The following BMAL1 variants were observed in gnomAD, a reference collection of about 807,000 sequenced individuals.
BMAL1 encodes basic helix-loop-helix ARNT-like protein 1.
the BMAL1 span, among the ~76,000 whole-genome samples, chr11:13,357,459 TG>T: frequency 6.6e-6 from 1 of 152,264 alleles, no homozygotes; most frequent in African/African-American, 2.4e-5. The surrounding 1 kb of genome is among the most constrained non-coding windows in gnomAD (Gnocchi z 4.8). Flanking sequence ...GACTTGCCTC[TG>T]TCAGGGGCCC....
At chr11:13,351,126 G>A in the BMAL1 span, among the ~76,000 whole-genome samples, 1 of 152,184 alleles carries the variant, frequency 6.6e-6, no homozygotes, top group Admixed American at 6.5e-5. Context: ...TAGGTGGCTG[G>A]GCTAGGGAGG....
At chr11:13,369,071 T>C in the BMAL1 span, among the ~76,000 whole-genome samples, 2 of 152,218 alleles carry the variant, frequency 1.3e-5, no homozygotes, top group African/African-American at 4.8e-5. Flanking sequence ...ACAGCACAGA[T>C]CTAGAATGGG....
At chr11:13,280,785 A>AC in the BMAL1 span, among the ~76,000 whole-genome samples, 5 of 151,826 alleles carry the variant, frequency 3.3e-5, no homozygotes, top group Admixed American at 3.3e-4. Context: ...CTCTGACTCA[A>AC]CCCCCTCAGC....
At chr11:13,287,001 A>T in the BMAL1 span, among the ~76,000 whole-genome samples, 2 of 152,178 alleles carry the variant, frequency 1.3e-5, no homozygotes, top group Non-Finnish European at 2.9e-5. Flanking sequence ...TCAAGGTTTT[A>T]GAGGATAGAA....
the BMAL1 span, among the ~76,000 whole-genome samples, chr11:13,302,023 C>G: frequency 2.6e-5 from 4 of 152,128 alleles, no homozygotes; most frequent in South Asian, 4.2e-4. Context: ...GGACAGATGC[C>G]GTATGTTTAG....
chr11:13,383,244 A>C, the BMAL1 span, among the ~76,000 whole-genome samples: 1 of 152,204 alleles, frequency 6.6e-6, no homozygotes, highest in African/African-American at 2.4e-5. Flanking sequence ...GACATCCAGA[A>C]GCACTAAGGA....
chr11:13,370,119 C>T, the BMAL1 span, among the ~76,000 whole-genome samples: 879 of 152,304 alleles, frequency 5.8e-3, 15 homozygotes, highest in African/African-American at 0.02. Flanking sequence ...TTGTTAAATG[C>T]GATGAACATT....
At chr11:13,344,764 C>T in the BMAL1 span, among the ~76,000 whole-genome samples, 1 of 152,218 alleles carries the variant, frequency 6.6e-6, no homozygotes, top group Non-Finnish European at 1.5e-5. Context: ...AGGCACCACC[C>T]TCTGAACAGA....
chr11:13,344,498 C>A, the BMAL1 span, among the ~76,000 whole-genome samples: 1 of 152,248 alleles, frequency 6.6e-6, no homozygotes, highest in Admixed American at 6.5e-5. Context: ...CTGAGGACAT[C>A]TTGAACGTAA....
chr11:13,322,208 A>G, the BMAL1 span, among the ~76,000 whole-genome samples: 1 of 152,198 alleles, frequency 6.6e-6, no homozygotes, highest in Non-Finnish European at 1.5e-5. Context: ...ATGAGAAGGA[A>G]CGTCGGCTTC....
chr11:13,352,588 TACA>T, the BMAL1 span, among the ~76,000 whole-genome samples: 3 of 152,372 alleles, frequency 2.0e-5, no homozygotes, highest in South Asian at 6.2e-4. Context: ...TGTTCCAGAA[TACA>T]ACGTGTGTCC....
the BMAL1 span, chr11:13,356,944 G>T: frequency 1.3e-6 from 2 of 1,589,642 alleles, no homozygotes; most frequent in Non-Finnish European, 1.7e-6. Context: ...CAGTCCCCTT[G>T]TGTGTCTGCA....
At chr11:13,355,394 C>G in the BMAL1 span, 1 of 1,162,968 alleles carries the variant, frequency 8.6e-7, no homozygotes, top group Non-Finnish European at 1.3e-6. Flanking sequence ...AACTCCCCAG[C>G]AGAAAGACTG....
the BMAL1 span, among the ~76,000 whole-genome samples, chr11:13,376,163 C>T: frequency 6.6e-6 from 1 of 152,224 alleles, no homozygotes. Flanking sequence ...CCATACCTGT[C>T]AGGCAGGGGG....
the BMAL1 span, chr11:13,376,752 T>C: frequency 3.7e-6 from 6 of 1,607,554 alleles, no homozygotes; most frequent in South Asian, 2.2e-5. Context: ...GCTGGGGCCC[T>C]GGGGCTTGCC....
At chr11:13,288,101 A>G in the BMAL1 span, among the ~76,000 whole-genome samples, 5 of 152,240 alleles carry the variant, frequency 3.3e-5, no homozygotes, top group East Asian at 1.9e-4. Context: ...CTGAGCGGAA[A>G]CAGCATAATT....
At chr11:13,346,611 C>T in the BMAL1 span, among the ~76,000 whole-genome samples, 1,503 of 152,308 alleles carry the variant, frequency 9.9e-3, 33 homozygotes, top group African/African-American at 0.035. Context: ...CTCCTTGCTC[C>T]TTCCTGTGGA....
the BMAL1 span, among the ~76,000 whole-genome samples, chr11:13,283,138 T>C: frequency 6.6e-6 from 1 of 152,164 alleles, no homozygotes; most frequent in African/African-American, 2.4e-5. Context: ...TCCTTTTAAA[T>C]AGTGTAAACT....
chr11:13,279,833 T>C, the BMAL1 span, among the ~76,000 whole-genome samples: 1 of 152,254 alleles, frequency 6.6e-6, no homozygotes, highest in South Asian at 2.1e-4. Context: ...AGCCAGTGAA[T>C]GATAACAATA....
Sources: gnomAD v4.1 joint callset for allele counts (sites outside exome capture counted in the v4.1 genomes callset) on GRCh38, gnomAD v4.1.1 for gene constraint, Gnocchi (gnomAD v3.1) non-coding constraint, MANE v1.5 for transcripts, NCBI Gene and HGNC (gene_info 2026-07-23, HGNC 2026-07-21) for gene names.